WWOX: variants seen among roughly 807,000 people sequenced by gnomAD.
WWOX encodes the protein WW domain containing oxidoreductase.
In WWOX, 69 loss-of-function variants were observed where a neutral mutation model predicts 46.2. The observed-to-expected ratio is 1.49, with a 90% confidence interval of 1.23 to 1.82. The LOEUF (loss-of-function observed/expected upper bound fraction) is 1.82, where lower values mean the gene tolerates loss of function less well. Ranked by LOEUF, WWOX falls within the 40% of genes most tolerant of loss-of-function variation. WWOX has a pLI of 0.00. For missense variants in WWOX, 919 were observed against 542.6 expected (o/e 1.69, Z -6.89); for synonymous variants, 359 against 202.6 (o/e 1.77, Z -6.56).
In WWOX at chr16:78,633,772, A is replaced by C. The variant is rs943956582; in HGVS notation, c.1056+201020A>C. ...ATGTATGATTCATCAAGAGGACTCC[A>C]GGCTGTGGTGTGCGGTGCAACCCGG... is the stretch of plus-strand genomic sequence containing the variant. On this transcript the variant is annotated intron_variant, in intron 8 of 8. Transcript: ENST00000566780. Among the ~76,000 whole-genome samples, 6 of 152,316 alleles carry C rather than the reference A, an allele frequency of 3.9e-5. No homozygotes were observed. The South Asian group carries it at 1.2e-3, about 32-fold the overall frequency.
intron 8 of WWOX, among the ~76,000 whole-genome samples, chr16:78,960,597 C>T (rs879386755): frequency 6.6e-6 from 1 of 152,172 alleles, no homozygotes; most frequent in African/African-American, 2.4e-5. Flanking sequence ...TGGAACAGAT[C>T]CATTGGTCAG....
At chr16:78,620,453 T>G (rs1275317874) in intron 8 of WWOX, among the ~76,000 whole-genome samples, 2 of 152,198 alleles carry the variant, frequency 1.3e-5, no homozygotes. Context: ...GGCCGAAACT[T>G]GGTCCCTGGA....
chr16:78,881,338 C>T (rs540266334), intron 8 of WWOX, among the ~76,000 whole-genome samples: 1 of 152,156 alleles, frequency 6.6e-6, no homozygotes, highest in Non-Finnish European at 1.5e-5. Context: ...TACTGCTGCC[C>T]AGGCAAAATC....
At chr16:78,959,144 C>T (rs2046225501) in intron 8 of WWOX, among the ~76,000 whole-genome samples, 1 of 152,190 alleles carries the variant, frequency 6.6e-6, no homozygotes, top group Non-Finnish European at 1.5e-5. Context: ...CTAGGTATTT[C>T]CTTGTAGAGT....
chr16:78,616,775 T>C (rs957796314), intron 8 of WWOX, among the ~76,000 whole-genome samples: 6 of 151,490 alleles, frequency 4.0e-5, no homozygotes, highest in Middle Eastern at 3.4e-3. Flanking sequence ...TCAACACTAA[T>C]AATAATAAAG....
intron 5 of WWOX, among the ~76,000 whole-genome samples, chr16:78,199,362 A>G (rs2036159638): frequency 6.6e-6 from 1 of 152,038 alleles, no homozygotes; most frequent in African/African-American, 2.4e-5. Context: ...AACAACGAAA[A>G]AACTCCCATG....
intron 5 of WWOX, among the ~76,000 whole-genome samples, chr16:78,275,166 AGG>A (rs956782710): frequency 3.9e-5 from 6 of 152,184 alleles, no homozygotes; most frequent in Middle Eastern, 3.2e-3. Flanking sequence ...TAAAACGTGG[AGG>A]GGGGTGGTGA....
intron 8 of WWOX, among the ~76,000 whole-genome samples, chr16:78,623,116 G>A (rs1567443975): frequency 6.6e-6 from 1 of 151,902 alleles, no homozygotes; most frequent in Non-Finnish European, 1.5e-5. Flanking sequence ...GCCCCACTAG[G>A]CAACTAGATT....
chr16:78,334,076 G>A (rs140637490), intron 5 of WWOX, among the ~76,000 whole-genome samples: 1 of 152,188 alleles, frequency 6.6e-6, no homozygotes, highest in Non-Finnish European at 1.5e-5. Flanking sequence ...ATGTTACATC[G>A]CATAAAGATG....
chr16:78,772,803 G>A (rs62038569), intron 8 of WWOX, among the ~76,000 whole-genome samples: 1 of 152,146 alleles, frequency 6.6e-6, no homozygotes, highest in African/African-American at 2.4e-5. Flanking sequence ...AGGATTGCTT[G>A]AGCTCAGAAG....
intron 8 of WWOX, among the ~76,000 whole-genome samples, chr16:78,951,877 A>G (rs1567432811): frequency 6.6e-6 from 1 of 152,160 alleles, no homozygotes; most frequent in African/African-American, 2.4e-5. Flanking sequence ...ACACTCTTCA[A>G]TGGATGTGGG....
chr16:79,178,018 A>G (rs985024864), intron 8 of WWOX, among the ~76,000 whole-genome samples: 2 of 152,100 alleles, frequency 1.3e-5, no homozygotes, highest in Non-Finnish European at 2.9e-5. Flanking sequence ...ACTTAGTGGG[A>G]GGGGATAAAG....
chr16:78,120,256 T>C (rs1357487129), intron 4 of WWOX, among the ~76,000 whole-genome samples: 1 of 152,186 alleles, frequency 6.6e-6, no homozygotes, highest in Non-Finnish European at 1.5e-5. Context: ...TCAATTTGTT[T>C]TCCTTGAAAC....
intron 8 of WWOX, among the ~76,000 whole-genome samples, chr16:78,646,733 A>C (rs991636833): frequency 2.0e-5 from 3 of 152,072 alleles, no homozygotes; most frequent in Admixed American, 1.3e-4. Context: ...ATATATTTTA[A>C]ATTTTATTTT....
At chr16:78,894,813 C>A (rs949428541) in intron 8 of WWOX, among the ~76,000 whole-genome samples, 1 of 152,074 alleles carries the variant, frequency 6.6e-6, no homozygotes, top group Non-Finnish European at 1.5e-5. Context: ...ACCCCAAGAC[C>A]GGCTTCAGTT....
At chr16:78,634,210 A>T (rs2046509531) in intron 8 of WWOX, among the ~76,000 whole-genome samples, 1 of 152,228 alleles carries the variant, frequency 6.6e-6, no homozygotes, top group Admixed American at 6.5e-5. Flanking sequence ...CCAGGAGAAT[A>T]GGAATGCCAT....
At chr16:78,686,604 A>C (rs551483844) in intron 8 of WWOX, among the ~76,000 whole-genome samples, 1 of 152,058 alleles carries the variant, frequency 6.6e-6, no homozygotes, top group South Asian at 2.1e-4. Flanking sequence ...GGGCCCAGCT[A>C]TTTGTGTTTT....
chr16:78,533,219 A>G (rs2043667451), intron 8 of WWOX, among the ~76,000 whole-genome samples: 1 of 152,046 alleles, frequency 6.6e-6, no homozygotes, highest in Non-Finnish European at 1.5e-5. Flanking sequence ...CGGAGAGGGG[A>G]CAGGAGGTGA....
intron 8 of WWOX, among the ~76,000 whole-genome samples, chr16:79,135,182 A>C (rs1031056526): frequency 1.3e-5 from 2 of 152,150 alleles, no homozygotes; most frequent in Non-Finnish European, 2.9e-5. Flanking sequence ...GTGTATTGTT[A>C]ACCTTGCTAG....
Sources: allele counts gnomAD v4.1 joint callset (sites outside exome capture counted in the v4.1 genomes callset), GRCh38; gene constraint gnomAD v4.1.1; transcripts MANE v1.5; gene names NCBI Gene and HGNC (gene_info 2026-07-23, HGNC 2026-07-21).